The following USP9Y variants were observed in gnomAD, a reference collection of about 807,000 sequenced individuals.
USP9Y encodes the protein ubiquitin carboxyl-terminal hydrolase 9Y.
A neutral mutation model predicts 53.1 loss-of-function variants in USP9Y; 41 were observed. The ratio of observed to expected loss-of-function variants is 0.77; its 90% CI spans 0.60 to 1.00. USP9Y has a LOEUF of 1.00. USP9Y is among the 50% of genes least tolerant of loss of function. USP9Y has a pLI of 0.00. For missense variants in USP9Y, 567 were observed against 535.8 expected, an observed-to-expected ratio of 1.06 and a Z score of -0.58; for synonymous variants, 220 against 173.7, an observed-to-expected ratio of 1.27 and a Z score of -2.09.
At chrY:12,728,123 C>T (rs775432459) in intron 7 of USP9Y, among the ~76,000 whole-genome samples, 1 of 33,206 alleles carries the variant, frequency 3.0e-5, no homozygotes, top group South Asian at 6.7e-4. Flanking sequence ...TGGCCATGAT[C>T]ATGTGATTTT....
At chrY:12,786,382 G>A (rs2053501946) in intron 23 of USP9Y, 49 bp downstream of exon 23, 2 of 387,769 alleles carry the variant, frequency 5.2e-6, no homozygotes, top group Non-Finnish European at 7.3e-6. Context: ...ATACGGTAAT[G>A]TGAAGAACAC....
chrY:12,793,300 A>G, intron 27 of USP9Y, 99 bp downstream of exon 27: 1 of 246,580 alleles, frequency 4.1e-6, no homozygotes, highest in Non-Finnish European at 6.6e-6. Flanking sequence ...GAAGTGAAGG[A>G]AGGAACCCTT....
At chrY:12,747,702 C>T (rs767016431) in intron 12 of USP9Y, among the ~76,000 whole-genome samples, 57 of 34,421 alleles carry the variant, frequency 1.7e-3, no homozygotes, top group Admixed American at 1.8e-3. Flanking sequence ...CCAGTTTTCT[C>T]TGGGAGAAAA....
intron 33 of USP9Y, among the ~76,000 whole-genome samples, chrY:12,821,207 G>A (rs72609653): frequency 2.1e-4 from 7 of 32,902 alleles, no homozygotes; most frequent in Non-Finnish European, 4.5e-4. Flanking sequence ...TTCCTACCCC[G>A]ACAACAAAAA....
chrY:12,839,103 G>T (rs2053557944), intron 35 of USP9Y, among the ~76,000 whole-genome samples: 1 of 33,765 alleles, frequency 3.0e-5, no homozygotes, highest in Non-Finnish European at 7.3e-5. Context: ...AGACAGTGAG[G>T]ATTAAATTCA....
chrY:12,785,760 A>G, intron 22 of USP9Y, among the ~76,000 whole-genome samples: 1 of 33,396 alleles, frequency 3.0e-5, no homozygotes, highest in Non-Finnish European at 7.4e-5. Context: ...ATGCTGAGCA[A>G]TTTTTCATTT....
chrY:12,737,057 C>G, intron 10 of USP9Y, among the ~76,000 whole-genome samples: 1 of 29,716 alleles, frequency 3.4e-5, no homozygotes, highest in Non-Finnish European at 8.0e-5. Context: ...CTCACTGTAA[C>G]GTCCGTATCC....
chrY:12,813,154 T>G, intron 31 of USP9Y, 102 bp downstream of exon 31: 6 of 200,069 alleles, frequency 3.0e-5, no homozygotes, highest in Non-Finnish European at 5.1e-5. Context: ...TGGACTTTTT[T>G]TGATCCAATG....
At chrY:12,732,147 C>T in intron 7 of USP9Y, among the ~76,000 whole-genome samples, 1 of 32,446 alleles carries the variant, frequency 3.1e-5, no homozygotes, top group Non-Finnish European at 7.5e-5. Context: ...GCTTCTTGGA[C>T]GTTCATAATG....
intron 19 of USP9Y, among the ~76,000 whole-genome samples, chrY:12,777,219 TGAG>T (rs2053493392): frequency 3.0e-5 from 1 of 33,066 alleles, no homozygotes. Flanking sequence ...TAAGCCAGTA[TGAG>T]AAGGAATATT....
At chrY:12,745,288 T>C in intron 12 of USP9Y, among the ~76,000 whole-genome samples, 1 of 33,975 alleles carries the variant, frequency 2.9e-5, no homozygotes, top group Non-Finnish European at 7.3e-5. Context: ...ACACAGGCCT[T>C]TTAGATAGGC....
intron 1 of USP9Y, among the ~76,000 whole-genome samples, chrY:12,702,863 T>C (rs2053417262): frequency 3.0e-5 from 1 of 33,446 alleles, no homozygotes; most frequent in Non-Finnish European, 7.4e-5. Context: ...TATCATGTCA[T>C]CTCTGAATAG....
chrY:12,757,075 C>T, intron 12 of USP9Y, 117 bp from the exon 13 acceptor site: 1 of 228,210 alleles, frequency 4.4e-6, no homozygotes, highest in Non-Finnish European at 7.2e-6. Flanking sequence ...TGTGTGTGCG[C>T]ACACGCCCCT....
intron 43 of USP9Y, 51 bp from the exon 44 acceptor site, chrY:12,856,582 C>T (rs1260085540): frequency 2.6e-6 from 1 of 384,277 alleles, no homozygotes. Flanking sequence ...GCATTTTAAG[C>T]TGATACTGAA....
chrY:12,806,202 T>G, intron 27 of USP9Y, among the ~76,000 whole-genome samples: 1 of 33,426 alleles, frequency 3.0e-5, no homozygotes, highest in Non-Finnish European at 7.4e-5. Context: ...TTATATTTTT[T>G]ATTAATTATA....
chrY:12,742,554 T>C, intron 12 of USP9Y, among the ~76,000 whole-genome samples: 6 of 33,158 alleles, frequency 1.8e-4, no homozygotes, highest in Admixed American at 1.4e-3. Context: ...AACCTTTAGC[T>C]AGACACAAAA....
intron 12 of USP9Y, among the ~76,000 whole-genome samples, chrY:12,741,921 A>G (rs906426381): frequency 3.0e-5 from 1 of 33,442 alleles, no homozygotes; most frequent in Non-Finnish European, 7.4e-5. Context: ...TGTTCTTGTA[A>G]TAATATTCAT....
intron 37 of USP9Y, 67 bp from the exon 38 acceptor site, chrY:12,842,173 T>G: frequency 1.3e-5 from 4 of 304,588 alleles, no homozygotes; most frequent in Non-Finnish European, 2.0e-5. Context: ...AAAATCTGTT[T>G]CTTCCATGTA....
At chrY:12,800,050 A>G (rs1027864664) in intron 27 of USP9Y, among the ~76,000 whole-genome samples, 5 of 32,723 alleles carry the variant, frequency 1.5e-4, no homozygotes, top group African/African-American at 6.0e-4. Context: ...ATTGACTTCC[A>G]CCCCTCCAGA....
Sources: allele counts gnomAD v4.1 joint callset (sites outside exome capture counted in the v4.1 genomes callset), GRCh38; gene constraint gnomAD v4.1.1; transcripts MANE v1.5; gene names NCBI Gene and HGNC (gene_info 2026-07-23, HGNC 2026-07-21).